Variants in CACNA1D observed in about 807,000 individuals in gnomAD.
CACNA1D encodes the protein calcium voltage-gated channel subunit alpha1 D.
Under a neutral mutation model 257.1 loss-of-function variants are expected in CACNA1D, and 55 were observed. That is an observed-to-expected ratio of 0.21 (90% CI 0.17 to 0.27). The LOEUF (loss-of-function observed/expected upper bound fraction) is 0.27, where lower values mean the gene tolerates loss of function less well. CACNA1D is among the 10% of genes least tolerant of loss of function. CACNA1D has a pLI of 1.00. For missense variants in CACNA1D, 1,876 were observed against 2,784.0 expected (o/e 0.67, Z 7.34); for synonymous variants, 980 against 1,014.9 (o/e 0.97, Z 0.65).
intron 3 of CACNA1D, among the ~76,000 whole-genome samples, chr3:53,576,035 C>G (rs1172403452): frequency 2.0e-5 from 3 of 152,012 alleles, no homozygotes; most frequent in African/African-American, 7.3e-5. Context: ...GGGAACGTTC[C>G]CTCTCTCCGT....
At chr3:53,718,744 A>G in intron 10 of CACNA1D, 1 of 1,551,946 alleles carries the variant, frequency 6.4e-7, no homozygotes, top group Non-Finnish European at 8.7e-7. Flanking sequence ...CGGTGGGGGT[A>G]AAGGCCTGAT....
chr3:53,649,760 A>G, intron 3 of CACNA1D, among the ~76,000 whole-genome samples: 1 of 152,236 alleles, frequency 6.6e-6, no homozygotes, highest in Admixed American at 6.5e-5. Flanking sequence ...TATAGTTCAT[A>G]TTGGAAAGTT....
chr3:53,535,176 C>T (rs1471871892), intron 3 of CACNA1D, among the ~76,000 whole-genome samples: 1 of 152,214 alleles, frequency 6.6e-6, no homozygotes, highest in African/African-American at 2.4e-5. Flanking sequence ...CTGCTAGCTC[C>T]TCTGGTACAG....
chr3:53,615,650 A>G (rs13063116), intron 3 of CACNA1D, among the ~76,000 whole-genome samples: 16,198 of 152,212 alleles, frequency 0.11, 918 homozygotes, highest in African/African-American at 0.14. Context: ...AGCCACCCTC[A>G]CTTTCACCCT....
intron 28 of CACNA1D, among the ~76,000 whole-genome samples, 187 bp downstream of exon 28, chr3:53,752,094 TTG>T (rs2095230943): frequency 6.6e-6 from 1 of 152,130 alleles, no homozygotes; most frequent in Non-Finnish European, 1.5e-5. Context: ...GATAGTTCTT[TTG>T]TTGAAGAAAT....
At chr3:53,711,891 A>G (rs2094760794) in intron 9 of CACNA1D, among the ~76,000 whole-genome samples, 1 of 152,230 alleles carries the variant, frequency 6.6e-6, no homozygotes, top group Admixed American at 6.5e-5. Flanking sequence ...ACAGTGAGTT[A>G]GGGGCAGAGT....
At chr3:53,647,019 C>T (rs2094028520) in intron 3 of CACNA1D, among the ~76,000 whole-genome samples, 1 of 152,014 alleles carries the variant, frequency 6.6e-6, no homozygotes, top group Non-Finnish European at 1.5e-5. Flanking sequence ...GATTTAGAGC[C>T]TCTCCTGTTG....
chr3:53,609,222 A>G (rs1049291790), intron 3 of CACNA1D, among the ~76,000 whole-genome samples: 3 of 152,274 alleles, frequency 2.0e-5, no homozygotes, highest in Admixed American at 1.3e-4. Flanking sequence ...CATCCTGGCT[A>G]ACATGGTGAA....
At position 53,515,424 on chromosome 3, in the gene CACNA1D, C is replaced by T. The variant is rs118082118; in HGVS notation, c.483+13704C>T. On this transcript the variant is annotated intron_variant, in intron 3 of 47. Transcript: ENST00000350061. ...TCACTAACACCTGCGTGGTCAGGGACGGCCTATACGGCACTTCATCATAGG... is the reference window on the plus strand; with the variant it reads ...TCACTAACACCTGCGTGGTCAGGGATGGCCTATACGGCACTTCATCATAGG... Among the ~76,000 whole-genome samples, 1,173 of 152,256 alleles carry T rather than the reference C, an allele frequency of 7.7e-3. 73 individuals carry two copies. The South Asian group carries it at 0.15, about 19-fold the overall frequency.
chr3:53,634,752 T>C (rs1241389479), intron 3 of CACNA1D, among the ~76,000 whole-genome samples: 1 of 152,186 alleles, frequency 6.6e-6, no homozygotes, highest in African/African-American at 2.4e-5. Flanking sequence ...GTATCAATCC[T>C]CAATTCCAGA....
At chr3:53,794,775 C>G (rs888387095) in intron 40 of CACNA1D, among the ~76,000 whole-genome samples, 27 of 152,320 alleles carry the variant, frequency 1.8e-4, no homozygotes, top group African/African-American at 5.8e-4. Flanking sequence ...TCACTGTGCT[C>G]TCATGAGAGG....
At chr3:53,580,803 G>A in intron 3 of CACNA1D, among the ~76,000 whole-genome samples, 1 of 152,230 alleles carries the variant, frequency 6.6e-6, no homozygotes, top group Admixed American at 6.5e-5. Context: ...AAGTAGCCAT[G>A]TATGTCTTCA....
intron 3 of CACNA1D, among the ~76,000 whole-genome samples, chr3:53,552,099 C>T (rs1251260012): frequency 1.3e-5 from 2 of 152,234 alleles, no homozygotes; most frequent in East Asian, 3.9e-4. Context: ...CAACTCAGTG[C>T]AGTACCCTGG....
At chr3:53,722,517 T>G (rs762002765) in intron 12 of CACNA1D, 43 bp downstream of exon 12, 3 of 1,597,240 alleles carry the variant, frequency 1.9e-6, no homozygotes, top group Non-Finnish European at 2.6e-6. Flanking sequence ...AACTAGAGAT[T>G]TCTGTGGCTG....
intron 3 of CACNA1D, among the ~76,000 whole-genome samples, chr3:53,540,594 T>C (rs1253526218): frequency 6.6e-6 from 1 of 152,148 alleles, no homozygotes; most frequent in African/African-American, 2.4e-5. Context: ...CCTTTCTATT[T>C]AAATTTCCTT....
At chr3:53,555,481 T>TTC (rs1491574728) in intron 3 of CACNA1D, among the ~76,000 whole-genome samples, 1 of 145,184 alleles carries the variant, frequency 6.9e-6, no homozygotes, top group Non-Finnish European at 1.5e-5. Flanking sequence ...TTTTTTTTTT[T>TTC]TCTGAGGTAC....
In CACNA1D at chr3:53,660,057, T is replaced by A. The variant is rs533655657; in HGVS notation, c.624-76T>A. ...ACACAGAATTAGCCCTTTTCAAAAATAAATAAGATTATCATCCTGTTTTGC... is the reference window on the plus strand; with the variant it reads ...ACACAGAATTAGCCCTTTTCAAAAAAAAATAAGATTATCATCCTGTTTTGC... On this transcript the variant is annotated intron_variant, in intron 4 of 47. Coordinates refer to ENST00000350061, the MANE Select transcript of CACNA1D (RefSeq NM_001128840.3). 5.2e-6 allele frequency: 7 copies of A among 1,351,192 alleles called. No homozygotes were observed. In the South Asian group the frequency reaches 5.9e-5, roughly 11 times the overall value. The allele number at this position is 1,351,192 out of a possible 1,614,324, so 83.7% of individuals were successfully genotyped here.
chr3:53,677,200 A>C (rs1364042243), intron 8 of CACNA1D, among the ~76,000 whole-genome samples: 1 of 152,164 alleles, frequency 6.6e-6, no homozygotes, highest in Non-Finnish European at 1.5e-5. Flanking sequence ...ACCTGCCACC[A>C]GCCATCCCTA....
chr3:53,725,109 C>A (rs1363828055), intron 14 of CACNA1D, among the ~76,000 whole-genome samples: 1 of 151,610 alleles, frequency 6.6e-6, no homozygotes, highest in African/African-American at 2.4e-5. Flanking sequence ...AGGAAGCAAC[C>A]ACCATTAAAC....
Sources: gnomAD v4.1 joint callset for allele counts (sites outside exome capture counted in the v4.1 genomes callset) on GRCh38, gnomAD v4.1.1 for gene constraint, MANE v1.5 for transcripts, NCBI Gene and HGNC (gene_info 2026-07-23, HGNC 2026-07-21) for gene names.